PAQR5: variants seen among roughly 807,000 people sequenced by gnomAD.
PAQR5 encodes the protein progestin and adipoQ receptor family member 5.
PAQR5 carries 20 observed loss-of-function variants against 34.5 expected under a neutral mutation model. The observed-to-expected ratio is 0.58, with a 90% CI of 0.41 to 0.84. The LOEUF is 0.84. Ranked by LOEUF, PAQR5 falls within the 40% of genes least tolerant of loss-of-function variation. PAQR5 has a pLI of 0.00. For missense variants in PAQR5, 378 were observed against 412.7 expected (o/e 0.92, Z 0.73); for synonymous variants, 131 against 155.6 (o/e 0.84, Z 1.18).
At chr15:69,391,735 G>T (rs1196844020) in intron 6 of PAQR5, 1 of 455,480 alleles carries the variant, frequency 2.2e-6, no homozygotes, top group East Asian at 7.0e-5. Flanking sequence ...AGAGGAGGAA[G>T]AGAAGGCTTC....
At chr15:69,375,435 T>C (rs1238764612) in intron 3 of PAQR5, among the ~76,000 whole-genome samples, 4 of 152,270 alleles carry the variant, frequency 2.6e-5, no homozygotes, top group African/African-American at 9.6e-5. Context: ...ACTTAACAGA[T>C]GAATTTTGGG....
chr15:69,399,946 G>T, intron 7 of PAQR5, 28 bp from the exon 8 acceptor site: 1 of 1,606,982 alleles, frequency 6.2e-7, no homozygotes, highest in East Asian at 2.2e-5. Flanking sequence ...GTCCTCTCAA[G>T]ACCTGATGTT....
At chr15:69,373,104 T>A (rs1013670271) in intron 3 of PAQR5, among the ~76,000 whole-genome samples, 5 of 152,160 alleles carry the variant, frequency 3.3e-5, no homozygotes, top group Non-Finnish European at 5.9e-5. Context: ...CTCTCTGACC[T>A]TATTCCATAG....
chr15:69,322,931 G>A (rs2054162568), intron 1 of PAQR5, among the ~76,000 whole-genome samples: 4 of 149,832 alleles, frequency 2.7e-5, no homozygotes, highest in African/African-American at 9.9e-5. Flanking sequence ...GCGCATGGGG[G>A]TGGGAAGTTC....
intron 3 of PAQR5, among the ~76,000 whole-genome samples, chr15:69,362,461 C>T (rs903867822): frequency 1.7e-4 from 26 of 152,152 alleles, no homozygotes; most frequent in African/African-American, 5.6e-4. Flanking sequence ...AACAGATGCA[C>T]AGGTATTAAA....
intron 3 of PAQR5, among the ~76,000 whole-genome samples, chr15:69,365,423 A>G (rs1343464068): frequency 6.6e-6 from 1 of 152,172 alleles, no homozygotes; most frequent in Non-Finnish European, 1.5e-5. Flanking sequence ...TATGAATTTT[A>G]TAGAACTCTT....
chr15:69,379,566 GA>G (rs1451100056), intron 3 of PAQR5: 80 of 985,332 alleles, frequency 8.1e-5, no homozygotes, highest in Non-Finnish European at 9.2e-5. Flanking sequence ...GCCCCAGGCA[GA>G]GGGGTGAGAA....
chr15:69,375,195 A>T (rs939809549), intron 3 of PAQR5, among the ~76,000 whole-genome samples: 1 of 152,204 alleles, frequency 6.6e-6, no homozygotes, highest in Non-Finnish European at 1.5e-5. Context: ...GGACAGGGGC[A>T]GTTTCCTCCA....
chr15:69,304,102 A>G (rs10851802), intron 1 of PAQR5, among the ~76,000 whole-genome samples: 103,754 of 151,946 alleles, frequency 0.68, 35,711 homozygotes, highest in Middle Eastern at 0.73. Context: ...CTGAAGAAAC[A>G]AATCTGTAAT....
chr15:69,404,026 G>C lies in PAQR5; in HGVS notation c.*204G>C. 1 of 575,066 alleles carries C rather than the reference G, an allele frequency of 1.7e-6. No individual in the cohort carries two copies. Among genetic ancestry groups the C allele is most frequent in the Non-Finnish European group, 3.0e-6 (1 of 333,110 alleles). 35.6% of individuals were successfully genotyped at this position (575,066 alleles called of 1,614,324 possible). On this transcript the variant is annotated 3_prime_UTR_variant, in exon 9 of 9. Transcript: ENST00000395407. ...GATTCTGTGTGTGTGATTTTAAAAG[G>C]AGAATATGGTTCAAGCAAGTCCTTG... is the stretch of plus-strand genomic sequence containing the variant.
intron 1 of PAQR5, among the ~76,000 whole-genome samples, chr15:69,331,006 ACT>A (rs1021670862): frequency 9.2e-5 from 14 of 152,036 alleles, no homozygotes; most frequent in African/African-American, 3.1e-4. Context: ...TGACTCAGGG[ACT>A]CTCTGTACTG....
chr15:69,402,188 G>T (rs1264001752), intron 8 of PAQR5, among the ~76,000 whole-genome samples: 1 of 152,216 alleles, frequency 6.6e-6, no homozygotes, highest in Non-Finnish European at 1.5e-5. Flanking sequence ...GGAAATCTGA[G>T]ATCAAAGCGT....
intron 2 of PAQR5, among the ~76,000 whole-genome samples, chr15:69,341,352 C>CATT (rs1330628276): frequency 3.0e-5 from 1 of 32,846 alleles, no homozygotes; most frequent in Non-Finnish European, 6.7e-5. Flanking sequence ...GAATTCTATT[C>CATT]CTTTTTTTTT....
intron 1 of PAQR5, among the ~76,000 whole-genome samples, chr15:69,306,039 C>T (rs1421690715): frequency 6.6e-6 from 1 of 152,096 alleles, no homozygotes; most frequent in African/African-American, 2.4e-5. Flanking sequence ...AGATGTGGGG[C>T]AGGAGAAGGG....
At chr15:69,364,068 G>T (rs2055318077) in intron 3 of PAQR5, among the ~76,000 whole-genome samples, 1 of 152,144 alleles carries the variant, frequency 6.6e-6, no homozygotes, top group Non-Finnish European at 1.5e-5. Context: ...CTGTAAGATG[G>T]AAGTGACTCC....
intron 1 of PAQR5, among the ~76,000 whole-genome samples, chr15:69,307,734 T>C (rs2053749970): frequency 6.6e-6 from 1 of 151,990 alleles, no homozygotes; most frequent in Non-Finnish European, 1.5e-5. Flanking sequence ...CCAGGTGGAC[T>C]GAGAGGGAAA....
At chr15:69,324,430 A>G (rs1237727140) in intron 1 of PAQR5, among the ~76,000 whole-genome samples, 1 of 152,232 alleles carries the variant, frequency 6.6e-6, no homozygotes, top group Non-Finnish European at 1.5e-5. Flanking sequence ...ATGGGTTTTC[A>G]TCCTCACCAG....
intron 2 of PAQR5, among the ~76,000 whole-genome samples, chr15:69,341,654 G>A (rs2054647469): frequency 6.6e-6 from 1 of 151,992 alleles, no homozygotes; most frequent in Admixed American, 6.6e-5. Context: ...ATGAAAATTG[G>A]TTTAGAAATA....
intron 1 of PAQR5, among the ~76,000 whole-genome samples, chr15:69,328,908 G>T (rs1383053641): frequency 2.6e-5 from 4 of 152,214 alleles, no homozygotes; most frequent in Non-Finnish European, 5.9e-5. Flanking sequence ...GCCTCTCCCA[G>T]CCACCGGACC....
Sources: allele counts gnomAD v4.1 joint callset (sites outside exome capture counted in the v4.1 genomes callset), GRCh38; gene constraint gnomAD v4.1.1; transcripts MANE v1.5; gene names NCBI Gene and HGNC (gene_info 2026-07-23, HGNC 2026-07-21).